AUTS2: variants seen among roughly 807,000 people sequenced by gnomAD.
The protein encoded by AUTS2 is activator of transcription and developmental regulator AUTS2, also known as autism susceptibility gene 2 protein.
AUTS2 carries 17 observed loss-of-function variants against 112.4 expected under a neutral mutation model. That is an observed-to-expected ratio of 0.15 (90% confidence interval 0.10 to 0.23). The LOEUF is 0.23. Among genes scored for constraint, AUTS2 ranks in the 10% least tolerant of loss-of-function variants. The probability of loss-of-function intolerance (pLI) is 1.00; values close to 1 mark genes in which losing one functional copy is unlikely to be tolerated. For synonymous variants in AUTS2, 751 were observed against 702.7 expected, an observed-to-expected ratio of 1.07 and a Z score of -1.09; for missense variants, 1,510 against 1,701.6, an observed-to-expected ratio of 0.89 and a Z score of 1.98.
chr7:70,216,010 T>C (rs772361191), intron 4 of AUTS2, among the ~76,000 whole-genome samples: 10 of 152,202 alleles, frequency 6.6e-5, no homozygotes, highest in Non-Finnish European at 1.3e-4. Flanking sequence ...AATGAAAAAT[T>C]ATAAAAAAAA....
intron 5 of AUTS2, among the ~76,000 whole-genome samples, chr7:70,696,482 T>A (rs929736290): frequency 6.6e-6 from 1 of 152,242 alleles, no homozygotes; most frequent in African/African-American, 2.4e-5. Flanking sequence ...GATACACTCC[T>A]AAGCCTCTCT....
At chr7:69,604,492 C>T (rs1792604168) in intron 1 of AUTS2, among the ~76,000 whole-genome samples, 2 of 152,204 alleles carry the variant, frequency 1.3e-5, no homozygotes, top group Admixed American at 1.3e-4. Flanking sequence ...CTGATATCAA[C>T]TAAGCGCCAT....
chr7:70,550,830 G>A (rs770012066), intron 5 of AUTS2, among the ~76,000 whole-genome samples: 18 of 152,046 alleles, frequency 1.2e-4, no homozygotes, highest in Non-Finnish European at 2.5e-4. Flanking sequence ...TGAAAGAAAC[G>A]GACACCCCAG....
chr7:69,922,661 C>T (rs1010166674), intron 2 of AUTS2, among the ~76,000 whole-genome samples: 1 of 152,130 alleles, frequency 6.6e-6, no homozygotes, highest in Non-Finnish European at 1.5e-5. Flanking sequence ...GTCTGTACAC[C>T]AGAAAGAATG....
At chr7:69,678,342 T>C (rs1796652432) in intron 1 of AUTS2, among the ~76,000 whole-genome samples, 2 of 152,166 alleles carry the variant, frequency 1.3e-5, no homozygotes, top group Admixed American at 1.3e-4. Context: ...ATCCCTTCAC[T>C]GTCTACAGCC....
At chr7:69,840,092 C>A (rs1791907590) in intron 1 of AUTS2, among the ~76,000 whole-genome samples, 1 of 152,176 alleles carries the variant, frequency 6.6e-6, no homozygotes, top group African/African-American at 2.4e-5. Context: ...ACTTCACTAA[C>A]TTTTTCCCCC....
At chr7:70,719,936 C>A (rs970662499) in intron 6 of AUTS2, among the ~76,000 whole-genome samples, 1 of 152,156 alleles carries the variant, frequency 6.6e-6, no homozygotes, top group Non-Finnish European at 1.5e-5. Flanking sequence ...AACTTAGTGA[C>A]CAGATATTAA....
At chr7:70,488,331 G>A (rs573954692) in intron 5 of AUTS2, among the ~76,000 whole-genome samples, 17 of 152,324 alleles carry the variant, frequency 1.1e-4, no homozygotes, top group Admixed American at 3.3e-4. Flanking sequence ...AGCCTGGAGA[G>A]TGCGCCAGGT....
At chr7:69,651,428 C>A (rs1394942567) in intron 1 of AUTS2, among the ~76,000 whole-genome samples, 1 of 152,198 alleles carries the variant, frequency 6.6e-6, no homozygotes, top group Non-Finnish European at 1.5e-5. Context: ...TGGAACTAGT[C>A]ATTTCTGGAT....
chr7:69,999,198 G>A (rs12698832), intron 2 of AUTS2, among the ~76,000 whole-genome samples: 24,439 of 152,040 alleles, frequency 0.16, 1,995 homozygotes, highest in Middle Eastern at 0.2. Context: ...TTTTGAACTC[G>A]ACATAAATTT....
chr7:70,652,185 C>G (rs1806542767), intron 5 of AUTS2, among the ~76,000 whole-genome samples: 1 of 152,078 alleles, frequency 6.6e-6, no homozygotes, highest in African/African-American at 2.4e-5. Flanking sequence ...TAGCAGTAAC[C>G]AATACACCAA....
intron 2 of AUTS2, among the ~76,000 whole-genome samples, chr7:70,115,397 A>T (rs113490699): frequency 6.6e-6 from 1 of 152,096 alleles, no homozygotes; most frequent in Non-Finnish European, 1.5e-5. Flanking sequence ...CTGGTCTCGA[A>T]CTCCTGGGCT....
At chr7:69,958,146 G>A (rs1044703221) in intron 2 of AUTS2, among the ~76,000 whole-genome samples, 3 of 152,122 alleles carry the variant, frequency 2.0e-5, no homozygotes, top group African/African-American at 7.2e-5. Flanking sequence ...TTCAACAGCA[G>A]GAGTTGGCAA....
At chr7:70,390,450 A>G (rs1793801180) in intron 4 of AUTS2, among the ~76,000 whole-genome samples, 1 of 152,090 alleles carries the variant, frequency 6.6e-6, no homozygotes, top group Admixed American at 6.6e-5. Flanking sequence ...TCATCTACCA[A>G]TGATGGATCT....
intron 4 of AUTS2, among the ~76,000 whole-genome samples, chr7:70,249,689 G>A (rs1786482724): frequency 6.6e-6 from 1 of 151,960 alleles, no homozygotes. Flanking sequence ...CATTGTTACA[G>A]GATCCACATC....
chr7:70,641,409 G>A (rs572859151), intron 5 of AUTS2, among the ~76,000 whole-genome samples: 229 of 152,162 alleles, frequency 1.5e-3, no homozygotes, highest in African/African-American at 5.2e-3. Flanking sequence ...AAAAATAGCC[G>A]GGCATGGCGG....
intron 2 of AUTS2, among the ~76,000 whole-genome samples, chr7:69,992,746 A>T (rs1187828726): frequency 6.6e-6 from 1 of 152,070 alleles, no homozygotes; most frequent in Non-Finnish European, 1.5e-5. Context: ...TAAGCCAGAC[A>T]TGGTGGTGTG....
At chr7:69,914,428 G>A (rs1048974284) in intron 2 of AUTS2, among the ~76,000 whole-genome samples, 2 of 148,836 alleles carry the variant, frequency 1.3e-5, no homozygotes, top group Non-Finnish European at 3.0e-5. Context: ...TATGACTGTT[G>A]TCTTCTCTCT....
intron 1 of AUTS2, among the ~76,000 whole-genome samples, chr7:69,824,134 C>T (rs762730083): frequency 2.6e-5 from 4 of 151,950 alleles, no homozygotes; most frequent in African/African-American, 4.8e-5. Context: ...TGTGATACGG[C>T]TGGGCACGGT....
Sources: gnomAD v4.1 joint callset for allele counts (sites outside exome capture counted in the v4.1 genomes callset) on GRCh38, gnomAD v4.1.1 for gene constraint, MANE v1.5 for transcripts, NCBI Gene and HGNC (gene_info 2026-07-23, HGNC 2026-07-21) for gene names.